PSG9: variants seen among roughly 807,000 people sequenced by gnomAD.
PSG9 encodes the protein pregnancy specific beta-1-glycoprotein 9, also known as pregnancy-specific beta-1-glycoprotein 9.
Under a neutral mutation model 41.9 loss-of-function variants are expected in PSG9, and 49 were observed. The ratio of observed to expected loss-of-function variants is 1.17; its 90% CI spans 0.93 to 1.48. PSG9 has a LOEUF of 1.48. Among genes scored for constraint, PSG9 ranks in the 40% most tolerant of loss-of-function variants. The pLI is 0.00. For missense variants in PSG9, 641 were observed against 520.3 expected (o/e 1.23, Z -2.26); for synonymous variants, 263 against 196.8 (o/e 1.34, Z -2.82).
Position 43,253,346 on chromosome 19 carries a change from A to G in PSG9, c.*263T>C, listed in dbSNP as rs551225945. On this transcript the variant is annotated 3_prime_UTR_variant, in exon 6 of 6. Transcript: ENST00000270077. ...ATGAATACTCATGAATAGTTTCACAATTCTGGGGCATTCAGATAGACAGCA... is the reference window on the plus strand; with the variant it reads ...ATGAATACTCATGAATAGTTTCACAGTTCTGGGGCATTCAGATAGACAGCA... The G allele has an allele frequency of 2.8e-5, 9 of 326,236 alleles. 1 individual carries two copies. The highest frequency in any genetic ancestry group is 2.1e-4 in the African/African-American group (9 of 42,770). 20.2% of individuals were successfully genotyped at this position (326,236 alleles called of 1,614,324 possible).
chr19:43,254,237 C>G (rs1164521406), intron 5 of PSG9, among the ~76,000 whole-genome samples: 3 of 146,050 alleles, frequency 2.1e-5, no homozygotes, highest in Non-Finnish European at 4.5e-5. Flanking sequence ...TTCCATTTTG[C>G]CGATGAAAAG....
rs754547114 is a variant in PSG9 at position 43,257,494 on chromosome 19, C to T, written c.1243+708G>A. The T allele has an allele frequency of 1.4e-4, 138 of 977,338 alleles. 3 individuals carry two copies. Among genetic ancestry groups the T allele is most frequent in the Non-Finnish European group, 1.6e-4 (132 of 827,856 alleles). 60.5% of individuals were successfully genotyped at this position (977,338 alleles called of 1,614,324 possible). ...CGTGCTGTGTCCCACGTGCTGTGCC[C>T]AAAGCCTCATACAGCTGGTGACTTC... is the stretch of plus-strand genomic sequence containing the variant. On this transcript the variant is annotated intron_variant, in intron 5 of 5. Transcript: ENST00000270077.
At chr19:43,261,664 C>G (rs1035591049) in intron 3 of PSG9, among the ~76,000 whole-genome samples, 196 bp downstream of exon 3, 5 of 152,112 alleles carry the variant, frequency 3.3e-5, no homozygotes, top group African/African-American at 1.2e-4. Context: ...TCCCATGACA[C>G]AGCAGCCTCT....
chr19:43,253,368 A>G lies in PSG9; in HGVS notation c.*241T>C. 2 of 363,486 alleles carry G rather than the reference A, an allele frequency of 5.5e-6. No homozygotes were observed. The highest frequency in any genetic ancestry group is 4.1e-5 in the South Asian group (1 of 24,242). 22.5% of individuals were successfully genotyped at this position (363,486 alleles called of 1,614,324 possible). On this transcript the variant is annotated 3_prime_UTR_variant, in exon 6 of 6. Coordinates refer to ENST00000270077, the MANE Select transcript of PSG9 (RefSeq NM_002784.5). ...ACAATTCTGGGGCATTCAGATAGAC[A>G]GCAAAAGCAAATATTTCAATTTTTG...
chr19:43,264,463 AT>A (rs1163548013), intron 2 of PSG9, among the ~76,000 whole-genome samples: 5 of 147,818 alleles, frequency 3.4e-5, no homozygotes, highest in South Asian at 2.1e-4. Context: ...CTCTGACAGC[AT>A]TTTTTTTTTC....
In PSG9 at chr19:43,262,911, G is replaced by T. The variant is rs1284141189; in HGVS notation, c.431-773C>A. Among the ~76,000 whole-genome samples the T allele has an allele frequency of 3.9e-5, 6 of 152,314 alleles. 1 individual carries two copies. The East Asian group carries it at 9.6e-4, about 24-fold the overall frequency. On this transcript the variant is annotated intron_variant, in intron 2 of 5. Transcript: ENST00000270077. ...GCTCCCTTCCCCCTGTAGAGGGCAG[G>T]TGAGGACCATGTGGATCTTTCTAGA...
intron 4 of PSG9, 27 bp downstream of exon 4, chr19:43,258,830 G>C: frequency 6.3e-7 from 1 of 1,585,158 alleles, no homozygotes; most frequent in Non-Finnish European, 8.5e-7. Flanking sequence ...TGGTGTCCTG[G>C]CCCACAGAGG....
intron 3 of PSG9, chr19:43,260,612 A>G (rs1239352782): frequency 6.9e-6 from 1 of 145,788 alleles, no homozygotes; most frequent in Non-Finnish European, 1.5e-5. Flanking sequence ...GCTGATTGCT[A>G]TTTTCTTTGT....
At position 43,268,108 on chromosome 19, in the gene PSG9, C is replaced by A. The variant is rs762430963; in HGVS notation, c.106G>T (p.Val36Phe). ...NFWNPPTTAE[V>F]TIEAQPPKVS... The stretch of plus-strand genomic sequence containing the variant: ...TTGGGTGGCTGGGCTTCAATCGTGA[C>A]TTCGGCAGTGGTGGGCGGGTTCCAG... Residue 36 changes from valine (V) to phenylalanine (F), a missense_variant, in exon 2 of 6, where the codon GTC becomes TTC. Transcript: ENST00000270077. The A allele has an allele frequency of 6.2e-7, 1 of 1,612,836 alleles. No homozygotes were observed. Among genetic ancestry groups the A allele is most frequent in the Middle Eastern group, 1.7e-4 (1 of 6,052 alleles).
Position 43,269,508 on chromosome 19 carries a change from T to A in PSG9, c.-77A>T. 1 of 1,583,208 alleles carries A rather than the reference T, an allele frequency of 6.3e-7. No individual in the cohort carries two copies. The highest frequency in any genetic ancestry group is 8.6e-7 in the Non-Finnish European group (1 of 1,156,784). On this transcript the variant is annotated 5_prime_UTR_variant, in exon 1 of 6. Coordinates refer to ENST00000270077, the MANE Select transcript of PSG9 (RefSeq NM_002784.5). ...AAGCTGTCTGAGCACGGCTGTCAGC[T>A]GTGCTGTCCTTCCTCCTTCTGTGCT...
rs1052133102 is a variant in PSG9 at position 43,269,503 on chromosome 19, T to C, written c.-72A>G. 10 of 1,589,934 alleles carry C rather than the reference T, an allele frequency of 6.3e-6. No homozygotes were observed. The African/African-American group carries it at 1.3e-4, about 21-fold the overall frequency. Reference sequence around the variant, plus strand: ...TCCAGAAGCTGTCTGAGCACGGCTGTCAGCTGTGCTGTCCTTCCTCCTTCT... The same window carrying C: ...TCCAGAAGCTGTCTGAGCACGGCTGCCAGCTGTGCTGTCCTTCCTCCTTCT... On this transcript the variant is annotated 5_prime_UTR_variant, in exon 1 of 6. Coordinates refer to ENST00000270077, the MANE Select transcript of PSG9 (RefSeq NM_002784.5).
chr19:43,261,143 T>C (rs1968691767), intron 3 of PSG9, among the ~76,000 whole-genome samples: 1 of 152,088 alleles, frequency 6.6e-6, no homozygotes, highest in African/African-American at 2.4e-5. Context: ...CAGGTGGCTG[T>C]TCCCTGACAG....
intron 2 of PSG9, among the ~76,000 whole-genome samples, chr19:43,265,536 TCAG>T (rs1365560995): frequency 6.6e-6 from 1 of 151,998 alleles, no homozygotes; most frequent in Non-Finnish European, 1.5e-5. Context: ...CACCAAACAA[TCAG>T]CAGTACTCAT....
chr19:43,259,132 T>C lies in PSG9; in HGVS notation c.713A>G (p.Lys238Arg), dbSNP rs574820480. The change falls in exon 4 of 6, where the codon AAG becomes AGG. Residue 238 changes from lysine to arginine, a missense_variant. Physicochemically the swap from Lys to Arg is conservative, Grantham distance 26. Transcript: ENST00000270077. ...GATGGTGATGTAGGGGATGGGCAGC[T>C]TCGCTGTGTGGATAACAGAGAGAAG... ...SDPVTLNLLP[K>R]LPIPYITINN... is the part of the protein sequence containing the mutation. 2.3e-5 allele frequency: 36 copies of C among 1,590,272 alleles called. No homozygotes were observed. The highest frequency in any genetic ancestry group is 3.0e-5 in the Non-Finnish European group (35 of 1,174,146).
chr19:43,268,702 T>C (rs375069536), intron 1 of PSG9, among the ~76,000 whole-genome samples: 1 of 152,098 alleles, frequency 6.6e-6, no homozygotes, highest in South Asian at 2.1e-4. Context: ...CAGACTCCTG[T>C]AGATGTGAGA....
intron 4 of PSG9, 84 bp downstream of exon 4, chr19:43,258,773 C>A (rs1177003086): frequency 3.9e-6 from 6 of 1,542,424 alleles, no homozygotes; most frequent in Non-Finnish European, 5.2e-6. Flanking sequence ...TATACTTGGA[C>A]CGGAGAGAGA....
chr19:43,258,017 A>G, intron 5 of PSG9, 185 bp downstream of exon 5: 5 of 1,538,128 alleles, frequency 3.3e-6, no homozygotes, highest in Non-Finnish European at 4.3e-6. Context: ...CAGCCATAAG[A>G]AAACAGAAAA....
intron 2 of PSG9, among the ~76,000 whole-genome samples, chr19:43,267,025 G>T (rs181745885): frequency 6.6e-6 from 1 of 152,274 alleles, no homozygotes; most frequent in East Asian, 1.9e-4. Flanking sequence ...TTGCTTCCAT[G>T]AGAAAGCACC....
intron 2 of PSG9, among the ~76,000 whole-genome samples, chr19:43,262,409 C>G (rs1012445496): frequency 6.6e-6 from 1 of 152,166 alleles, no homozygotes; most frequent in Non-Finnish European, 1.5e-5. Flanking sequence ...CCAGCAGTCA[C>G]AGCCCCTGAT....
Sources: gnomAD v4.1 joint callset for allele counts (sites outside exome capture counted in the v4.1 genomes callset) on GRCh38, gnomAD v4.1.1 for gene constraint, MANE v1.5 for transcripts, NCBI Gene and HGNC (gene_info 2026-07-23, HGNC 2026-07-21) for gene names.